The following CDH18 variants were observed in gnomAD, a reference collection of about 807,000 sequenced individuals.
The protein encoded by CDH18 is cadherin 18, also known as cadherin-18.
A neutral mutation model predicts 67.9 loss-of-function variants in CDH18; 31 were observed. The ratio of observed to expected loss-of-function variants is 0.46; its 90% confidence interval spans 0.34 to 0.62. CDH18 has a LOEUF of 0.62. Among genes scored for constraint, CDH18 ranks in the 20% least tolerant of loss-of-function variants. CDH18 has a pLI of 0.01. For missense variants in CDH18, 890 were observed against 975.5 expected (o/e 0.91, Z 1.17); for synonymous variants, 362 against 347.2 (o/e 1.04, Z -0.48).
At chr5:20,329,159 G>A (rs1477495516) in intron 1 of CDH18, among the ~76,000 whole-genome samples, 1 of 152,136 alleles carries the variant, frequency 6.6e-6, no homozygotes, top group Non-Finnish European at 1.5e-5. Context: ...ATGAGGAGTT[G>A]CAAATGAACT....
Position 19,571,562 on chromosome 5 carries a change from A to G in CDH18, c.1253+17T>C. The G allele has an allele frequency of 6.2e-7, 1 of 1,607,014 alleles. No individual in the cohort carries two copies. Among genetic ancestry groups the G allele is most frequent in the Non-Finnish European group, 8.5e-7 (1 of 1,174,812 alleles). ...ATAAAAATCTTTCTATGTCTAAACG[A>G]TTGAAGCATGCCATACCTTACTAAG... On this transcript the variant is annotated intron_variant, in intron 8 of 12. Transcript: ENST00000382275.
intron 1 of CDH18, among the ~76,000 whole-genome samples, chr5:20,450,516 C>T (rs922387419): frequency 6.6e-6 from 1 of 151,942 alleles, no homozygotes; most frequent in African/African-American, 2.4e-5. Context: ...GCATTTTCTA[C>T]CAATGCAAAA....
chr5:20,309,041 A>G (rs1299922671), intron 1 of CDH18, among the ~76,000 whole-genome samples: 2 of 152,246 alleles, frequency 1.3e-5, no homozygotes, highest in African/African-American at 4.8e-5. Context: ...AATAGTGTAG[A>G]ATACTGGGAA....
At chr5:20,184,865 C>A (rs976657472) in intron 2 of CDH18, among the ~76,000 whole-genome samples, 6 of 152,074 alleles carry the variant, frequency 3.9e-5, no homozygotes, top group African/African-American at 1.4e-4. Context: ...GGTGTATAAT[C>A]TCCTACAACT....
chr5:19,897,879 G>A (rs147830135), intron 2 of CDH18, among the ~76,000 whole-genome samples: 21 of 151,726 alleles, frequency 1.4e-4, no homozygotes, highest in African/African-American at 4.6e-4. Context: ...AACCTTGTAG[G>A]GGGTGAACAG....
At chr5:19,802,869 G>T (rs974587799) in intron 3 of CDH18, among the ~76,000 whole-genome samples, 3 of 152,196 alleles carry the variant, frequency 2.0e-5, no homozygotes, top group Admixed American at 6.5e-5. Context: ...AGCAATAATA[G>T]TTTAAGTCTG....
chr5:19,684,090 C>T (rs1760721912), intron 5 of CDH18, among the ~76,000 whole-genome samples: 1 of 152,018 alleles, frequency 6.6e-6, no homozygotes, highest in South Asian at 2.1e-4. Context: ...ATTTTCCTTT[C>T]TATAGTTTCT....
At chr5:20,321,231 G>A (rs1010258749) in intron 1 of CDH18, among the ~76,000 whole-genome samples, 48 of 152,102 alleles carry the variant, frequency 3.2e-4, no homozygotes, top group African/African-American at 1.2e-3. Context: ...AGAAATCCAT[G>A]CCTGGTACCA....
intron 2 of CDH18, among the ~76,000 whole-genome samples, chr5:20,028,877 G>A (rs1385790075): frequency 6.6e-6 from 1 of 152,100 alleles, no homozygotes; most frequent in Non-Finnish European, 1.5e-5. Flanking sequence ...TGTAGGTAAG[G>A]GGGCACTACT....
intron 2 of CDH18, among the ~76,000 whole-genome samples, chr5:20,149,231 C>T (rs960035937): frequency 2.0e-4 from 30 of 152,116 alleles, no homozygotes; most frequent in African/African-American, 6.5e-4. Context: ...ATATATTTAC[C>T]CTAATTGTTC....
At chr5:19,707,280 G>A (rs1011121981) in intron 5 of CDH18, among the ~76,000 whole-genome samples, 3 of 152,192 alleles carry the variant, frequency 2.0e-5, no homozygotes, top group African/African-American at 7.2e-5. Context: ...AGAAGCTGTC[G>A]CAGATGGTGG....
intron 3 of CDH18, among the ~76,000 whole-genome samples, chr5:19,765,881 A>AAT (rs1773020737): frequency 6.7e-6 from 1 of 148,784 alleles, no homozygotes; most frequent in South Asian, 2.1e-4. Flanking sequence ...TTCAAAAAAC[A>AAT]TTTTTTTTTT....
chr5:20,363,597 G>A (rs926962824), intron 1 of CDH18, among the ~76,000 whole-genome samples: 1 of 150,988 alleles, frequency 6.6e-6, no homozygotes, highest in African/African-American at 2.4e-5. Context: ...CTGCTTCTTA[G>A]TCTTTCATAT....
chr5:20,496,770 T>G (rs1002489371), intron 1 of CDH18, among the ~76,000 whole-genome samples: 1 of 152,102 alleles, frequency 6.6e-6, no homozygotes, highest in African/African-American at 2.4e-5. Flanking sequence ...CAAGACACAG[T>G]TCTCCATGCA....
At position 20,541,349 on chromosome 5, in the gene CDH18, A is replaced by G. The variant is rs147183946; in HGVS notation, c.-580+34113T>C. 9.8e-3 allele frequency among the ~76,000 whole-genome samples: 1,496 copies of G among 152,294 alleles called. 20 individuals are homozygous for G. The highest frequency in any genetic ancestry group is 0.034 in the African/African-American group (1,397 of 41,562). ...TTAGACATTAAACTATGTTATTAAAACTATGGAAGATCTGTTAGTAAAACA... is the reference window on the plus strand; with the variant it reads ...TTAGACATTAAACTATGTTATTAAAGCTATGGAAGATCTGTTAGTAAAACA... On this transcript the variant is annotated intron_variant, in intron 1 of 14. Coordinates refer to the CDH18 transcript ENST00000507958.
At chr5:20,268,209 T>C (rs1202528612) in intron 1 of CDH18, among the ~76,000 whole-genome samples, 3 of 152,180 alleles carry the variant, frequency 2.0e-5, no homozygotes, top group African/African-American at 7.2e-5. Flanking sequence ...GATGGACACC[T>C]AGGTTGCTTC....
chr5:20,533,926 A>G (rs1756561534), intron 1 of CDH18, among the ~76,000 whole-genome samples: 1 of 152,080 alleles, frequency 6.6e-6, no homozygotes, highest in African/African-American at 2.4e-5. Flanking sequence ...TTGTTACTTT[A>G]AAATGTCACA....
chr5:20,475,288 T>G (rs903757268), intron 1 of CDH18, among the ~76,000 whole-genome samples: 1 of 151,986 alleles, frequency 6.6e-6, no homozygotes, highest in Admixed American at 6.6e-5. Context: ...ATTTGCTGAT[T>G]TTTTTTTATG....
At chr5:20,542,789 CTT>C (rs1248304726) in intron 1 of CDH18, among the ~76,000 whole-genome samples, 4 of 151,836 alleles carry the variant, frequency 2.6e-5, no homozygotes, top group South Asian at 2.1e-4. Flanking sequence ...GGTTCAGAGT[CTT>C]TTATTTGTCC....
Sources: gnomAD v4.1 joint callset for allele counts (sites outside exome capture counted in the v4.1 genomes callset) on GRCh38, gnomAD v4.1.1 for gene constraint, MANE v1.5 for transcripts, NCBI Gene and HGNC (gene_info 2026-07-23, HGNC 2026-07-21) for gene names.